Variants in ELMO2 observed in about 807,000 individuals in gnomAD.
The protein encoded by ELMO2 is engulfment and cell motility 2.
Under a neutral mutation model 96.2 loss-of-function variants are expected in ELMO2, and 37 were observed. The ratio of observed to expected loss-of-function variants is 0.38; its 90% CI spans 0.30 to 0.51. ELMO2 has a LOEUF of 0.51. Ranked by LOEUF, ELMO2 falls within the 20% of genes least tolerant of loss-of-function variation. ELMO2 has a pLI of 0.88. For synonymous variants in ELMO2, 315 were observed against 329.4 expected (o/e 0.96, Z 0.47); for missense variants, 561 against 912.6 (o/e 0.61, Z 4.96).
chr20:46,381,501 T>G (rs981458051), intron 10 of ELMO2, among the ~76,000 whole-genome samples: 2 of 152,172 alleles, frequency 1.3e-5, no homozygotes, highest in Admixed American at 1.3e-4. Context: ...CCAGGAACAT[T>G]AAATTTTACT....
chr20:46,393,523 A>T lies in ELMO2; in HGVS notation c.192+6T>A, dbSNP rs2060193093. 1 of 1,614,162 alleles carries T rather than the reference A, an allele frequency of 6.2e-7. No individual in the cohort carries two copies. Among genetic ancestry groups the T allele is most frequent in the South Asian group, 1.1e-5 (1 of 91,076 alleles). ...CCATATTGATTTTGCCTCTCCCTGT[A>T]CTAACCTGTTCGGTGATGTACAGCT... On this transcript the variant is annotated splice_donor_region_variant and intron_variant, in intron 5 of 21. Transcript: ENST00000290246.
intron 13 of ELMO2, 21 bp from the exon 14 acceptor site, chr20:46,374,661 A>G: frequency 1.2e-6 from 2 of 1,609,720 alleles, no homozygotes; most frequent in South Asian, 2.2e-5. Context: ...AAAGACACCC[A>G]ATTTGAGATG....
chr20:46,394,544 G>C lies in ELMO2; in HGVS notation c.-50-12C>G. 15 of 1,553,170 alleles carry C rather than the reference G, an allele frequency of 9.7e-6. No homozygotes were observed. The highest frequency in any genetic ancestry group is 1.3e-5 in the Non-Finnish European group (15 of 1,124,776). ...ACAGACACGGCTGCCTGGGGAGAAAGAATCAGAAAGGTGGAAAAAGAGTAT... is the reference window on the plus strand; with the variant it reads ...ACAGACACGGCTGCCTGGGGAGAAACAATCAGAAAGGTGGAAAAAGAGTAT... On this transcript the variant is annotated splice_polypyrimidine_tract_variant and intron_variant, in intron 2 of 21. Coordinates refer to ENST00000290246, the MANE Select transcript of ELMO2 (RefSeq NM_133171.5).
At chr20:46,368,672 G>A (rs2059632254) in intron 21 of ELMO2, among the ~76,000 whole-genome samples, 1 of 138,374 alleles carries the variant, frequency 7.2e-6, no homozygotes, top group Non-Finnish European at 1.6e-5. Context: ...ATTATGTAAT[G>A]ATACCTGCTG....
At chr20:46,402,085 A>G (rs1347816021) in intron 1 of ELMO2, among the ~76,000 whole-genome samples, 3 of 152,204 alleles carry the variant, frequency 2.0e-5, no homozygotes. Context: ...TCTAGATCAG[A>G]TAAGGTCCGA....
At chr20:46,399,996 G>A (rs2060309387) in intron 1 of ELMO2, among the ~76,000 whole-genome samples, 1 of 152,142 alleles carries the variant, frequency 6.6e-6, no homozygotes, top group African/African-American at 2.4e-5. Flanking sequence ...AATTAGCTGG[G>A]CATGGTGGCG....
intron 15 of ELMO2, 53 bp downstream of exon 15, chr20:46,374,279 T>G: frequency 2.0e-6 from 3 of 1,466,116 alleles, no homozygotes; most frequent in Non-Finnish European, 2.9e-6. Flanking sequence ...TGAGTCTCAC[T>G]GAGCTCTTGA....
intron 2 of ELMO2, among the ~76,000 whole-genome samples, chr20:46,395,019 C>T (rs193082404): frequency 3.3e-5 from 5 of 152,276 alleles, no homozygotes; most frequent in African/African-American, 4.8e-5. Context: ...CCCCACTCAT[C>T]GATGCCACCC....
rs1456343092 is a variant in ELMO2 at position 46,367,396 on chromosome 20, C to A, written c.2127G>T (p.Glu709Asp). The change falls in exon 22 of 22, where the codon GAG (glutamate) becomes GAT (aspartate). Residue 709 changes from glutamate (E) to aspartate (D), a missense_variant. Coordinates refer to ENST00000290246, the MANE Select transcript of ELMO2 (RefSeq NM_133171.5). ...GATAGACAAAGTCATAGCTGCTGGGCTCCTTGGGGATGGGGGGTGGGGCTT... is the reference window on the plus strand; with the variant it reads ...GATAGACAAAGTCATAGCTGCTGGGATCCTTGGGGATGGGGGGTGGGGCTT... ...IPEAPPPIPK[E>D]PSSYDFVYHY... 1.2e-6 allele frequency: 2 copies of A among 1,603,222 alleles called. No individual in the cohort carries two copies.
chr20:46,402,946 T>C (rs898456790), intron 1 of ELMO2, among the ~76,000 whole-genome samples: 1 of 152,256 alleles, frequency 6.6e-6, no homozygotes, highest in African/African-American at 2.4e-5. Flanking sequence ...AGTTAGGAGC[T>C]GTGTTCTGGA....
Position 46,375,767 on chromosome 20 carries a change from G to A in ELMO2, c.831C>T (p.Pro277=). 6.2e-7 allele frequency: 1 copy of A among 1,614,174 alleles called. No individual in the cohort carries two copies. The highest frequency in any genetic ancestry group is 2.2e-5 in the East Asian group (1 of 44,884). ...ILNHVIRGNR[P]IKTEMAHQLY... ...GCTGATGGGCCATCTCAGTTTTGAT[G>A]GGGCGGTTCCCTCGGATCACATGCT... Residue 277 remains proline (P), a synonymous_variant, in exon 12 of 22, where the codon CCC becomes CCT. Coordinates refer to ENST00000290246, the MANE Select transcript of ELMO2 (RefSeq NM_133171.5). The surrounding 1 kb of genome is among the most constrained non-coding windows in gnomAD (Gnocchi z 4.6).
At chr20:46,376,391 C>G (rs1203188360) in intron 11 of ELMO2, among the ~76,000 whole-genome samples, 1 of 152,010 alleles carries the variant, frequency 6.6e-6, no homozygotes, top group Non-Finnish European at 1.5e-5. Context: ...TCTGTCCCTG[C>G]TCCCTGTGCC....
chr20:46,394,234 C>T, intron 3 of ELMO2, 145 bp from the exon 4 acceptor site: 11 of 1,115,224 alleles, frequency 9.9e-6, no homozygotes, highest in Non-Finnish European at 1.5e-5. Context: ...GGAAGCCTCT[C>T]CCAAGCCATG....
chr20:46,398,432 C>T (rs1474933128), intron 2 of ELMO2, among the ~76,000 whole-genome samples: 11 of 152,176 alleles, frequency 7.2e-5, no homozygotes, highest in Admixed American at 6.5e-5. Flanking sequence ...CCTGCCTCAG[C>T]TTCCTGAGTA....
intron 2 of ELMO2, among the ~76,000 whole-genome samples, chr20:46,397,144 AT>A (rs1568786772): frequency 6.6e-6 from 1 of 152,176 alleles, no homozygotes; most frequent in East Asian, 1.9e-4. Context: ...GCCCTGAATG[AT>A]TCTCGGCTGT....
Position 46,374,643 on chromosome 20 carries a change from A to G in ELMO2, c.1066-3T>C. On this transcript the variant is annotated splice_polypyrimidine_tract_variant and splice_region_variant and intron_variant, in intron 13 of 21. Coordinates refer to ENST00000290246, the MANE Select transcript of ELMO2 (RefSeq NM_133171.5). ...TCCATGGCTGGATTGATGTGGTTCT[A>G]GAGAAATAAAGACACCCAATTTGAG... 2 of 1,613,856 alleles carry G rather than the reference A, an allele frequency of 1.2e-6. No individual in the cohort carries two copies. The highest frequency in any genetic ancestry group is 1.7e-6 in the Non-Finnish European group (2 of 1,179,780).
At position 46,406,513 on chromosome 20, in the gene ELMO2, G is replaced by A. The variant is rs3829694; in HGVS notation, c.-126+35C>T. The A allele has an allele frequency of 0.13, 20,595 of 152,596 alleles. 2,169 individuals are homozygous for A. The highest frequency in any genetic ancestry group is 0.3 in the African/African-American group (12,248 of 41,456). 9.5% of individuals were successfully genotyped at this position (152,596 alleles called of 1,614,324 possible). A position where few individuals can be genotyped will look rare whatever the true frequency, so the allele number is the denominator to read the frequency against. ...CGGGCCGGGCCCCTCTCCACCGCCT[G>A]CCGCGCCCCGACCCCCAGGGCGCCC... On this transcript the variant is annotated intron_variant, in intron 1 of 21. Coordinates refer to ENST00000290246, the MANE Select transcript of ELMO2 (RefSeq NM_133171.5).
chr20:46,381,421 T>C (rs2059953268), intron 10 of ELMO2, among the ~76,000 whole-genome samples: 1 of 152,214 alleles, frequency 6.6e-6, no homozygotes, highest in Admixed American at 6.5e-5. Flanking sequence ...CTGTGTCATT[T>C]TTCTCAGAGC....
Sources: gnomAD v4.1 joint callset for allele counts (sites outside exome capture counted in the v4.1 genomes callset) on GRCh38, gnomAD v4.1.1 for gene constraint, Gnocchi (gnomAD v3.1) non-coding constraint, MANE v1.5 for transcripts, NCBI Gene and HGNC (gene_info 2026-07-23, HGNC 2026-07-21) for gene names.